Variants in RFX2 observed in about 807,000 individuals in gnomAD.
The protein encoded by RFX2 is regulatory factor X2, also known as DNA-binding protein RFX2.
A neutral mutation model predicts 87.8 loss-of-function variants in RFX2; 20 were observed. The ratio of observed to expected loss-of-function variants is 0.23; its 90% confidence interval spans 0.16 to 0.33. The LOEUF is 0.33. RFX2 is among the 10% of genes least tolerant of loss of function. The pLI, the probability that RFX2 is intolerant of heterozygous loss-of-function variation, is 1.00. For synonymous variants in RFX2, 397 were observed against 431.3 expected (o/e 0.92, Z 0.98); for missense variants, 767 against 1,012.3 (o/e 0.76, Z 3.29).
In RFX2 at chr19:5,993,629, G is replaced by C. The variant is rs1014512066; in HGVS notation, c.*1206C>G. 6.6e-6 allele frequency: 1 copy of C among 152,182 alleles called. No individual in the cohort carries two copies. Among genetic ancestry groups the C allele is most frequent in the Admixed American group, 6.5e-5 (1 of 15,280 alleles). 9.4% of individuals were successfully genotyped at this position (152,182 alleles called of 1,614,324 possible). A position where few individuals can be genotyped will look rare whatever the true frequency, so the allele number is the denominator to read the frequency against. On this transcript the variant is annotated 3_prime_UTR_variant, in exon 18 of 18. Coordinates refer to ENST00000303657, the MANE Select transcript of RFX2 (RefSeq NM_000635.4). ...ACTATTGCATTTCGTTAGAAATCGC[G>C]TCCTGGGCCGAGGCTCGTCTTTCTT... is the stretch of plus-strand genomic sequence containing the variant.
intron 4 of RFX2, among the ~76,000 whole-genome samples, chr19:6,041,335 G>C (rs889550928): frequency 6.6e-6 from 1 of 152,112 alleles, no homozygotes; most frequent in Non-Finnish European, 1.5e-5. Flanking sequence ...ACTTGTGAGG[G>C]GAGCCATCCA....
rs2086444008 is a variant in RFX2, at chr19:5,998,256, C to T, written c.1860-1043G>A. ...CTGGGAGGCGGAGGCTGCAGTGAGC[C>T]GAGATCATGTCGCTGCACTCTAGCC... On this transcript the variant is annotated intron_variant, in intron 15 of 17. Coordinates refer to ENST00000303657, the MANE Select transcript of RFX2 (RefSeq NM_000635.4). This position sits in a 1 kb window ranked among gnomAD's most constrained non-coding sequence, Gnocchi z 4.2. Among the ~76,000 whole-genome samples, 1 of 152,094 alleles carries T rather than the reference C, an allele frequency of 6.6e-6. No individual in the cohort carries two copies. Among genetic ancestry groups the T allele is most frequent in the African/African-American group, 2.4e-5 (1 of 41,384 alleles).
chr19:6,033,878 A>G (rs1292029923), intron 5 of RFX2, among the ~76,000 whole-genome samples: 2 of 152,228 alleles, frequency 1.3e-5, no homozygotes, highest in African/African-American at 2.4e-5. Context: ...GAAAAAGCAG[A>G]TGTGCCATTG....
chr19:6,032,060 T>C (rs1218259939), intron 5 of RFX2, among the ~76,000 whole-genome samples: 1 of 152,226 alleles, frequency 6.6e-6, no homozygotes, highest in Non-Finnish European at 1.5e-5. Flanking sequence ...AGGAGCCAAT[T>C]CAAGTTAAAA....
At chr19:6,098,040 T>C (rs2088055327) in intron 1 of RFX2, among the ~76,000 whole-genome samples, 1 of 152,196 alleles carries the variant, frequency 6.6e-6, no homozygotes, top group South Asian at 2.1e-4. Context: ...TCTTCTTTTC[T>C]TATACAAGAA....
rs544059000 is a variant in RFX2, at chr19:6,008,868, T to C, written c.1016-644A>G. ...AAGTTTGTATTTTTTTTGGTAGAGATGGGGTTTCGCCATGTTGGCCAAGTT... is the reference window on the plus strand; with the variant it reads ...AAGTTTGTATTTTTTTTGGTAGAGACGGGGTTTCGCCATGTTGGCCAAGTT... On this transcript the variant is annotated intron_variant, in intron 9 of 17. Coordinates refer to ENST00000303657, the MANE Select transcript of RFX2 (RefSeq NM_000635.4). Among the ~76,000 whole-genome samples, 157 of 151,286 alleles carry C rather than the reference T, an allele frequency of 1.0e-3. 1 individual carries two copies. In the Middle Eastern group the frequency reaches 0.031, roughly 29 times the overall value.
intron 5 of RFX2, among the ~76,000 whole-genome samples, chr19:6,032,229 C>G (rs564255277): frequency 2.0e-5 from 3 of 152,124 alleles, no homozygotes; most frequent in Admixed American, 6.5e-5. Flanking sequence ...TCAAGCGATT[C>G]CCCTGCCTCA....
chr19:6,026,358 T>C lies in RFX2; in HGVS notation c.523-121A>G. The stretch of plus-strand genomic sequence containing the variant: ...ATATCCAAATAATGATTCGAGCTCC[T>C]ACAAAATAAAAATGAGGCTCCACGC... On this transcript the variant is annotated intron_variant, in intron 5 of 17. Coordinates refer to ENST00000303657, the MANE Select transcript of RFX2 (RefSeq NM_000635.4). The surrounding 1 kb of genome is among the most constrained non-coding windows in gnomAD (Gnocchi z 4.5). 1.3e-6 allele frequency: 1 copy of C among 795,622 alleles called. No individual in the cohort carries two copies. The highest frequency in any genetic ancestry group is 2.0e-6 in the Non-Finnish European group (1 of 491,654). The allele number at this position is 795,622 out of a possible 1,614,324, so 49.3% of individuals were successfully genotyped here. A position where few individuals can be genotyped will look rare whatever the true frequency, so the allele number is the denominator to read the frequency against.
chr19:6,035,557 T>A (rs2144753128), intron 5 of RFX2, among the ~76,000 whole-genome samples: 1 of 152,266 alleles, frequency 6.6e-6, no homozygotes, highest in East Asian at 1.9e-4. Context: ...AGGCTACCAG[T>A]GAGGACTTGC....
chr19:6,029,015 A>G (rs536741122), intron 5 of RFX2, among the ~76,000 whole-genome samples: 1 of 151,654 alleles, frequency 6.6e-6, no homozygotes, highest in East Asian at 1.9e-4. Flanking sequence ...GGAAGCAGAG[A>G]TTGCAGTGAG....
rs550273055 is a variant in RFX2 at position 6,090,521 on chromosome 19, A to G, written c.-9+19872T>C. 2.0e-5 allele frequency among the ~76,000 whole-genome samples: 3 copies of G among 152,306 alleles called. No individual in the cohort carries two copies. In the South Asian group the frequency reaches 6.2e-4, roughly 32 times the overall value. ...CCACTTCACACCTACGAGGCTGGTT[A>G]TACTAAAAACAGGGAAAAATAAAAG... On this transcript the variant is annotated intron_variant, in intron 1 of 17. Transcript: ENST00000303657.
rs1354076543 is a variant in RFX2, at chr19:6,027,660, C to CT, written c.523-1424dup. 6.6e-6 allele frequency among the ~76,000 whole-genome samples: 1 copy of CT among 152,220 alleles called. No homozygotes were observed. Among genetic ancestry groups the CT allele is most frequent in the Non-Finnish European group, 1.5e-5 (1 of 68,040 alleles). ...GCAGACTGGGAAGGAGAAGAAAACA[C>CT]TGTCTCTCCAACATAGTGGGTCTCA... On this transcript the variant is annotated intron_variant, in intron 5 of 17. Transcript: ENST00000303657. The surrounding 1 kb of genome is among the most constrained non-coding windows in gnomAD (Gnocchi z 5.0).
chr19:6,053,831 C>T (rs1473768393), intron 1 of RFX2, among the ~76,000 whole-genome samples: 2 of 151,734 alleles, frequency 1.3e-5, no homozygotes, highest in East Asian at 1.9e-4. Context: ...TGGCGGGCAC[C>T]TGTAATTCCA....
chr19:6,057,502 C>T (rs1233551836), intron 1 of RFX2, among the ~76,000 whole-genome samples: 1 of 152,214 alleles, frequency 6.6e-6, no homozygotes, highest in African/African-American at 2.4e-5. Flanking sequence ...TCACCTGCCT[C>T]ACATAGTTCA....
chr19:5,994,546 G>T lies in RFX2; in HGVS notation c.*289C>A. On this transcript the variant is annotated 3_prime_UTR_variant, in exon 18 of 18. Transcript: ENST00000303657. ...GGCCAAAGTCCAGGGTTCCAGCAGA[G>T]GAGGGTTTGTCCAGAATAAGGAACC... 1 of 428,024 alleles carries T rather than the reference G, an allele frequency of 2.3e-6. No individual in the cohort carries two copies. The highest frequency in any genetic ancestry group is 4.3e-6 in the Non-Finnish European group (1 of 234,942). 26.5% of individuals were successfully genotyped at this position (428,024 alleles called of 1,614,324 possible).
At chr19:6,055,475 G>C (rs935424362) in intron 1 of RFX2, among the ~76,000 whole-genome samples, 1 of 152,162 alleles carries the variant, frequency 6.6e-6, no homozygotes, top group Admixed American at 6.5e-5. Flanking sequence ...TCAGGATAAA[G>C]TACAGTGGCA....
In RFX2 at chr19:5,994,539, C is replaced by T; in HGVS notation, c.*296G>A. The T allele has an allele frequency of 4.9e-6, 2 of 407,826 alleles. No individual in the cohort carries two copies. Among genetic ancestry groups the T allele is most frequent in the South Asian group, 4.1e-5 (1 of 24,248 alleles). The allele number at this position is 407,826 out of a possible 1,614,324, so 25.3% of individuals were successfully genotyped here. ...GGACTGGGGCCAAAGTCCAGGGTTC[C>T]AGCAGAGGAGGGTTTGTCCAGAATA... On this transcript the variant is annotated 3_prime_UTR_variant, in exon 18 of 18. Coordinates refer to ENST00000303657, the MANE Select transcript of RFX2 (RefSeq NM_000635.4).
chr19:6,108,478 A>T (rs545445606), intron 1 of RFX2, among the ~76,000 whole-genome samples: 4 of 152,312 alleles, frequency 2.6e-5, no homozygotes, highest in African/African-American at 4.8e-5. Context: ...AAATTTTTTT[A>T]AAAAGTCTTT....
At chr19:6,096,689 G>C (rs555645992) in intron 1 of RFX2, among the ~76,000 whole-genome samples, 1 of 152,224 alleles carries the variant, frequency 6.6e-6, no homozygotes, top group South Asian at 2.1e-4. Context: ...CTCGTGATCC[G>C]CCCACCTTGG....
Sources: gnomAD v4.1 joint callset for allele counts (sites outside exome capture counted in the v4.1 genomes callset) on GRCh38, gnomAD v4.1.1 for gene constraint, Gnocchi (gnomAD v3.1) non-coding constraint, MANE v1.5 for transcripts, NCBI Gene and HGNC (gene_info 2026-07-23, HGNC 2026-07-21) for gene names.